Variants in UNC79 observed in about 807,000 individuals in gnomAD.
The protein encoded by UNC79 is unc-79 subunit of NALCN channel complex.
Under a neutral mutation model 283.1 loss-of-function variants are expected in UNC79, and 37 were observed. The observed-to-expected ratio is 0.13, with a 90% confidence interval of 0.10 to 0.17. UNC79 has a LOEUF of 0.17. Among genes scored for constraint, UNC79 ranks in the 10% least tolerant of loss-of-function variants. UNC79 has a pLI of 1.00. For missense variants in UNC79, 2,272 were observed against 3,211.1 expected, an observed-to-expected ratio of 0.71 and a Z score of 7.07; for synonymous variants, 1,107 against 1,200.2, an observed-to-expected ratio of 0.92 and a Z score of 1.61.
intron 1 of UNC79, among the ~76,000 whole-genome samples, chr14:93,449,577 C>T (rs1015393664): frequency 2.6e-5 from 4 of 151,198 alleles, no homozygotes; most frequent in African/African-American, 9.7e-5. Flanking sequence ...GTGACTGCAC[C>T]ACTGCGCTCC....
At chr14:93,581,755 G>A (rs971998115) in intron 19 of UNC79, among the ~76,000 whole-genome samples, 2 of 152,016 alleles carry the variant, frequency 1.3e-5, no homozygotes, top group African/African-American at 4.8e-5. Flanking sequence ...GCCTCCCAAA[G>A]TGCTGGGATT....
intron 14 of UNC79, among the ~76,000 whole-genome samples, chr14:93,555,477 C>T (rs993038763): frequency 6.6e-6 from 1 of 152,102 alleles, no homozygotes. Flanking sequence ...GATCTTGGCT[C>T]ACTGCAACCT....
chr14:93,371,079 AAAC>A (rs1314814946), intron 1 of UNC79, among the ~76,000 whole-genome samples: 1 of 151,552 alleles, frequency 6.6e-6, no homozygotes, highest in Non-Finnish European at 1.5e-5. Flanking sequence ...AAACAAAACA[AAAC>A]AACAACAACA....
chr14:93,590,846 G>A (rs890721800), intron 22 of UNC79, among the ~76,000 whole-genome samples: 1 of 152,162 alleles, frequency 6.6e-6, no homozygotes, highest in African/African-American at 2.4e-5. Flanking sequence ...CAACTACACC[G>A]GAAGTTCCAT....
chr14:93,357,196 A>C (rs2054102741), intron 1 of UNC79, among the ~76,000 whole-genome samples: 1 of 152,176 alleles, frequency 6.6e-6, no homozygotes, highest in African/African-American at 2.4e-5. Context: ...GTTAGTGCAA[A>C]GGACATGATC....
At chr14:93,669,334 C>A (rs1422816531) in intron 40 of UNC79, among the ~76,000 whole-genome samples, 2 of 151,936 alleles carry the variant, frequency 1.3e-5, no homozygotes, top group African/African-American at 4.8e-5. Flanking sequence ...CAGGAAGAGC[C>A]CAGATATTCA....
At chr14:93,583,523 C>G (rs1369940356) in intron 20 of UNC79, among the ~76,000 whole-genome samples, 1 of 152,176 alleles carries the variant, frequency 6.6e-6, no homozygotes, top group African/African-American at 2.4e-5. Context: ...CTAACTGCTT[C>G]TCCATGGATC....
chr14:93,384,535 T>C (rs1196022092), intron 1 of UNC79, among the ~76,000 whole-genome samples: 2 of 152,220 alleles, frequency 1.3e-5, no homozygotes, highest in Admixed American at 1.3e-4. Context: ...TTTGCCCATT[T>C]TAAATTGGAT....
chr14:93,597,990 GT>G (rs2065196085), intron 24 of UNC79, among the ~76,000 whole-genome samples: 1 of 152,046 alleles, frequency 6.6e-6, no homozygotes, highest in Non-Finnish European at 1.5e-5. Flanking sequence ...AAGATCCCTT[GT>G]TGTTATTTGT....
intron 11 of UNC79, among the ~76,000 whole-genome samples, chr14:93,536,520 T>G: frequency 6.6e-6 from 1 of 152,226 alleles, no homozygotes; most frequent in Non-Finnish European, 1.5e-5. Context: ...TCTTCTTTTT[T>G]GGGCTGTCTC....
chr14:93,425,066 T>C (rs150782804), intron 1 of UNC79, among the ~76,000 whole-genome samples: 9 of 152,278 alleles, frequency 5.9e-5, no homozygotes, highest in African/African-American at 2.2e-4. Flanking sequence ...CATGCTGCTA[T>C]AAAGGACTGC....
intron 11 of UNC79, among the ~76,000 whole-genome samples, chr14:93,535,414 A>C (rs937442738): frequency 1.3e-5 from 2 of 152,238 alleles, no homozygotes; most frequent in African/African-American, 4.8e-5. Flanking sequence ...GGTATTCCAG[A>C]TATTATCATA....
chr14:93,431,412 G>T (rs2055872469), intron 1 of UNC79, among the ~76,000 whole-genome samples: 1 of 151,904 alleles, frequency 6.6e-6, no homozygotes, highest in Non-Finnish European at 1.5e-5. Context: ...GGGGGGTAGC[G>T]GCAAATCAGG....
intron 4 of UNC79, among the ~76,000 whole-genome samples, chr14:93,482,411 C>T (rs2058188721): frequency 6.6e-6 from 1 of 152,076 alleles, no homozygotes; most frequent in Non-Finnish European, 1.5e-5. Context: ...TTCCAGGTCA[C>T]GTTGTCTTGG....
At chr14:93,388,527 G>A (rs542941735) in intron 1 of UNC79, among the ~76,000 whole-genome samples, 4 of 152,282 alleles carry the variant, frequency 2.6e-5, no homozygotes, top group African/African-American at 9.6e-5. Context: ...CACTTTTAAT[G>A]TTAATAGATA....
intron 1 of UNC79, among the ~76,000 whole-genome samples, chr14:93,363,106 A>G (rs542011275): frequency 6.6e-6 from 1 of 152,262 alleles, no homozygotes; most frequent in East Asian, 1.9e-4. Context: ...ATTTAGCACT[A>G]TAAACTTTCT....
intron 7 of UNC79, among the ~76,000 whole-genome samples, chr14:93,503,689 T>C (rs2059401692): frequency 2.0e-5 from 3 of 152,070 alleles, no homozygotes; most frequent in Admixed American, 2.0e-4. Context: ...TTATTTGCCA[T>C]TTGAACATCC....
chr14:93,439,858 A>G (rs951928027), intron 1 of UNC79, among the ~76,000 whole-genome samples: 2 of 152,090 alleles, frequency 1.3e-5, no homozygotes, highest in African/African-American at 4.8e-5. Context: ...TATGCATTTC[A>G]TCTAAGTTTT....
rs1277339004 is a variant in UNC79, at chr14:93,688,749, A to G, written c.6994A>G (p.Met2332Val). 4.3e-6 allele frequency: 7 copies of G among 1,614,080 alleles called. No homozygotes were observed. Among genetic ancestry groups the G allele is most frequent in the South Asian group, 1.1e-5 (1 of 91,064 alleles). The change falls in exon 44 of 49, where the codon ATG becomes GTG. Residue 2332 changes from methionine (M) to valine (V), a missense_variant. Physicochemically the swap from Met to Val is conservative, Grantham distance 21. Around this residue, in one of 11 missense-constraint regions of UNC79, gnomAD observed 225 missense variants for 334.2 expected, o/e 0.67. Coordinates refer to ENST00000555664, the Ensembl canonical transcript of UNC79. The surrounding 1 kb of genome is among the most constrained non-coding windows in gnomAD (Gnocchi z 4.0). The stretch of plus-strand genomic sequence containing the variant: ...AGTGGGGCTGGCCCAGATTGCAGCC[A>G]TGGACATCTCACGGGGCAACCACAG...
Sources: allele counts gnomAD v4.1 joint callset (sites outside exome capture counted in the v4.1 genomes callset), GRCh38; gene constraint gnomAD v4.1.1; regional missense constraint gnomAD v4.1.1; non-coding constraint Gnocchi (gnomAD v3.1); transcripts MANE v1.5; gene names NCBI Gene and HGNC (gene_info 2026-07-23, HGNC 2026-07-21).